Variants in EBF2 observed in about 807,000 individuals in gnomAD.
EBF2 encodes the protein EBF transcription factor 2, also known as transcription factor COE2.
EBF2 carries 21 observed loss-of-function variants against 72.8 expected under a neutral mutation model. That is an observed-to-expected ratio of 0.29 (90% CI 0.20 to 0.42). The LOEUF (loss-of-function observed/expected upper bound fraction) is 0.42. Among genes scored for constraint, EBF2 ranks in the 10% least tolerant of loss-of-function variants. The probability of loss-of-function intolerance (pLI) is 1.00; values close to 1 mark genes in which losing one functional copy is unlikely to be tolerated. For synonymous variants in EBF2, 299 were observed against 274.2 expected, an observed-to-expected ratio of 1.09 and a Z score of -0.89; for missense variants, 637 against 731.2, an observed-to-expected ratio of 0.87 and a Z score of 1.49.
Position 25,850,743 on chromosome 8 carries a change from G to A in EBF2, c.1547C>T (p.Thr516Ile), listed in dbSNP as rs748485575. 1.7e-5 allele frequency: 27 copies of A among 1,560,848 alleles called. No individual in the cohort carries two copies. The part of the protein sequence containing the change: ...SPYGIMSSSP[T>I]VGSSSTSSIL... Reference sequence around the variant, plus strand: ...GGAGGATGTGCTGGAAGACCCAACGGTGGGACTTGATGACATGACTGGAAA... The same window carrying A: ...GGAGGATGTGCTGGAAGACCCAACGATGGGACTTGATGACATGACTGGAAA... Residue 516 changes from threonine (T) to isoleucine (I), a missense_variant, in exon 15 of 16, where the codon ACC (threonine) becomes ATC (isoleucine). Around this residue, in one of 3 missense-constraint regions of EBF2, gnomAD observed 259 missense variants for 268.1 expected, o/e 0.97. Transcript: ENST00000520164.
chr8:25,952,875 T>C (rs998981445), intron 6 of EBF2, among the ~76,000 whole-genome samples: 1 of 152,224 alleles, frequency 6.6e-6, no homozygotes, highest in African/African-American at 2.4e-5. Context: ...CTACTTATTC[T>C]ATAAGTATTG....
chr8:26,007,592 G>A (rs1804902774), intron 6 of EBF2, among the ~76,000 whole-genome samples: 1 of 152,060 alleles, frequency 6.6e-6, no homozygotes, highest in South Asian at 2.1e-4. Context: ...CTGGGGAAGG[G>A]TTTCACTGAG....
chr8:25,973,778 C>G (rs950344431), intron 6 of EBF2, among the ~76,000 whole-genome samples: 1 of 152,122 alleles, frequency 6.6e-6, no homozygotes, highest in African/African-American at 2.4e-5. Flanking sequence ...TGGGCTCAAA[C>G]GATCTTCCCA....
At chr8:26,004,246 T>A (rs989963568) in intron 6 of EBF2, among the ~76,000 whole-genome samples, 1 of 152,196 alleles carries the variant, frequency 6.6e-6, no homozygotes, top group Admixed American at 6.5e-5. Flanking sequence ...GCCCAGTGAA[T>A]GATCTGTCTC....
At chr8:25,884,496 C>T (rs1222983847) in intron 10 of EBF2, among the ~76,000 whole-genome samples, 1 of 152,110 alleles carries the variant, frequency 6.6e-6, no homozygotes, top group Non-Finnish European at 1.5e-5. Flanking sequence ...CCAGCCTGCC[C>T]AACCCTCCCT....
intron 10 of EBF2, among the ~76,000 whole-genome samples, chr8:25,868,974 CTATGTTCTA>C (rs1802383137): frequency 6.6e-6 from 1 of 152,040 alleles, no homozygotes; most frequent in South Asian, 2.1e-4. Context: ...CTTAGATTTT[CTATGTTCTA>C]TATTTTTAGA....
intron 6 of EBF2, among the ~76,000 whole-genome samples, chr8:25,961,805 A>G (rs1804039657): frequency 6.6e-6 from 1 of 152,254 alleles, no homozygotes; most frequent in African/African-American, 2.4e-5. Context: ...GGGCACCTAC[A>G]GTAGAAAATG....
At chr8:25,888,741 G>C (rs940345517) in intron 8 of EBF2, among the ~76,000 whole-genome samples, 1 of 152,160 alleles carries the variant, frequency 6.6e-6, no homozygotes, top group Non-Finnish European at 1.5e-5. Context: ...ACCCAATATG[G>C]TTTTCAGGCC....
intron 6 of EBF2, among the ~76,000 whole-genome samples, chr8:25,913,796 A>T (rs1415783287): frequency 1.3e-5 from 2 of 152,188 alleles, no homozygotes; most frequent in East Asian, 1.9e-4. Context: ...CACAGACCAC[A>T]TAGGGACTTA....
intron 6 of EBF2, among the ~76,000 whole-genome samples, chr8:25,961,393 T>G (rs1235572839): frequency 6.6e-6 from 1 of 152,198 alleles, no homozygotes; most frequent in Non-Finnish European, 1.5e-5. Context: ...AGACGGAGTC[T>G]CACTCTGTCG....
intron 14 of EBF2, among the ~76,000 whole-genome samples, chr8:25,851,890 C>CCCTCATTTCCCCT: frequency 6.6e-6 from 1 of 152,188 alleles, no homozygotes; most frequent in East Asian, 1.9e-4. Flanking sequence ...GACAACTCCA[C>CCCTCATTTCCCCT]CCTCATTTCC....
chr8:25,995,386 A>C (rs1186758056), intron 6 of EBF2, among the ~76,000 whole-genome samples: 2 of 152,230 alleles, frequency 1.3e-5, no homozygotes, highest in Non-Finnish European at 2.9e-5. Context: ...ATTTATACAA[A>C]AATACAACAG....
intron 6 of EBF2, among the ~76,000 whole-genome samples, chr8:25,942,135 A>C (rs1803685181): frequency 6.6e-6 from 1 of 152,310 alleles, no homozygotes; most frequent in South Asian, 2.1e-4. Context: ...GAGCACCGGA[A>C]ACACGCAGGG....
chr8:25,990,299 A>G (rs1319916649), intron 6 of EBF2, among the ~76,000 whole-genome samples: 2 of 152,180 alleles, frequency 1.3e-5, no homozygotes, highest in Non-Finnish European at 2.9e-5. Flanking sequence ...GTGGATTGTT[A>G]TATTACATAA....
At chr8:25,868,858 G>A (rs1272678027) in intron 10 of EBF2, among the ~76,000 whole-genome samples, 1 of 152,134 alleles carries the variant, frequency 6.6e-6, no homozygotes, top group African/African-American at 2.4e-5. Context: ...GAGGTGTTGA[G>A]TCGCTCCATA....
chr8:25,996,342 A>C (rs1488947837), intron 6 of EBF2, among the ~76,000 whole-genome samples: 2 of 152,040 alleles, frequency 1.3e-5, no homozygotes, highest in African/African-American at 4.8e-5. Context: ...TGTGAAAAAC[A>C]TTAATGAAAT....
At chr8:25,870,287 A>G (rs1215870038) in intron 10 of EBF2, among the ~76,000 whole-genome samples, 1 of 152,108 alleles carries the variant, frequency 6.6e-6, no homozygotes, top group Non-Finnish European at 1.5e-5. Context: ...TGTTAGCCAA[A>G]GTGCAGATTT....
intron 10 of EBF2, among the ~76,000 whole-genome samples, chr8:25,885,180 A>T (rs773747549): frequency 2.0e-5 from 3 of 151,094 alleles, no homozygotes; most frequent in Non-Finnish European, 4.4e-5. Flanking sequence ...TTTTCTGACA[A>T]GTCAAGTCTA....
At chr8:26,040,770 C>G in intron 3 of EBF2, 99 bp from the exon 4 acceptor site, 1 of 1,495,082 alleles carries the variant, frequency 6.7e-7, no homozygotes, top group South Asian at 1.2e-5. Flanking sequence ...GCAGCCTCTC[C>G]ATGCTGAGCC....
Sources: gnomAD v4.1 joint callset for allele counts (sites outside exome capture counted in the v4.1 genomes callset) on GRCh38, gnomAD v4.1.1 for gene constraint, gnomAD v4.1.1 regional missense constraint, MANE v1.5 for transcripts, NCBI Gene and HGNC (gene_info 2026-07-23, HGNC 2026-07-21) for gene names.